The following MDGA2 variants were observed in gnomAD, a reference collection of about 807,000 sequenced individuals.
MDGA2 encodes the protein MAM domain-containing glycosylphosphatidylinositol anchor protein 2.
Under a neutral mutation model 117.8 loss-of-function variants are expected in MDGA2, and 40 were observed. The observed-to-expected ratio is 0.34, with a 90% CI of 0.26 to 0.44. The LOEUF (loss-of-function observed/expected upper bound fraction) is 0.44. MDGA2 is among the 20% of genes least tolerant of loss of function. The probability of loss-of-function intolerance (pLI) is 1.00; values close to 1 mark genes in which losing one functional copy is unlikely to be tolerated. For missense variants in MDGA2, 1,123 were observed against 1,250.6 expected, an observed-to-expected ratio of 0.90 and a Z score of 1.54; for synonymous variants, 452 against 439.0, an observed-to-expected ratio of 1.03 and a Z score of -0.37.
In MDGA2 at chr14:47,074,542, C is replaced by T. The variant is rs146666946; in HGVS notation, c.1196-12964G>A. The stretch of plus-strand genomic sequence containing the variant: ...GTCTCGATCTCCTGACCTCGTGATC[C>T]GCCCGCTTCGCCCTCCCAGAGTGCT... On this transcript the variant is annotated intron_variant, in intron 6 of 16. Coordinates refer to ENST00000399232, the MANE Select transcript of MDGA2 (RefSeq NM_001113498.3). 7.9e-3 allele frequency among the ~76,000 whole-genome samples: 1,205 copies of T among 152,282 alleles called. 4 individuals are homozygous for T. The highest frequency in any genetic ancestry group is 0.031 in the Middle Eastern group (9 of 294).
intron 6 of MDGA2, among the ~76,000 whole-genome samples, chr14:47,086,214 C>T (rs1443182275): frequency 4.7e-5 from 7 of 148,772 alleles, no homozygotes; most frequent in African/African-American, 1.7e-4. Context: ...GATTTCCATT[C>T]TCATACAGTT....
chr14:47,060,319 C>A (rs925040113), intron 7 of MDGA2, among the ~76,000 whole-genome samples: 1 of 152,066 alleles, frequency 6.6e-6, no homozygotes, highest in African/African-American at 2.4e-5. Context: ...GTGTTCACTG[C>A]AATTTGGAAC....
chr14:47,176,051 T>C (rs1441604375), intron 3 of MDGA2, among the ~76,000 whole-genome samples: 1 of 152,156 alleles, frequency 6.6e-6, no homozygotes, highest in Non-Finnish European at 1.5e-5. Flanking sequence ...CCATTCACAA[T>C]TGCTTCAAAG....
At chr14:47,091,943 A>G (rs1197708200) in intron 6 of MDGA2, among the ~76,000 whole-genome samples, 3 of 152,158 alleles carry the variant, frequency 2.0e-5, no homozygotes, top group Non-Finnish European at 4.4e-5. Context: ...ACACACAAGT[A>G]CACTCAGCAG....
intron 1 of MDGA2, among the ~76,000 whole-genome samples, chr14:47,344,850 CAG>C (rs1392999957): frequency 6.6e-4 from 99 of 149,380 alleles, no homozygotes; most frequent in African/African-American, 1.9e-3. Flanking sequence ...TGACTACAGA[CAG>C]GGGTGTCTCT....
chr14:47,071,679 AC>A (rs1890287554), intron 6 of MDGA2, among the ~76,000 whole-genome samples: 1 of 152,014 alleles, frequency 6.6e-6, no homozygotes, highest in African/African-American at 2.4e-5. Flanking sequence ...TTTACTCTTT[AC>A]AGGAAGAAAG....
intron 1 of MDGA2, among the ~76,000 whole-genome samples, chr14:47,372,906 G>C (rs571344276): frequency 1.3e-5 from 2 of 151,878 alleles, no homozygotes; most frequent in East Asian, 1.9e-4. Context: ...GAATGAGTCA[G>C]AGCTATCTCT....
intron 2 of MDGA2, among the ~76,000 whole-genome samples, chr14:47,256,198 G>A (rs1340668536): frequency 2.0e-5 from 3 of 150,072 alleles, no homozygotes; most frequent in African/African-American, 7.4e-5. Flanking sequence ...TAAAACTGAC[G>A]TGGCCAGGGC....
In MDGA2 at chr14:46,850,417, T is replaced by C. The variant is rs557761591; in HGVS notation, c.2884-4546A>G. On this transcript the variant is annotated intron_variant, in intron 15 of 16. Transcript: ENST00000399232. ...TCTGATGATTTGCCTTCATTGTTAA[T>C]GGTGACTTCTGCAAATATTTACAAC... Among the ~76,000 whole-genome samples the C allele has an allele frequency of 2.0e-5, 3 of 151,964 alleles. No homozygotes were observed. The South Asian group carries it at 6.2e-4, about 31-fold the overall frequency.
intron 1 of MDGA2, among the ~76,000 whole-genome samples, chr14:47,537,574 TAAAAAAAAAAAAAAAAAAAA>T (rs58060138): frequency 0.048 from 1,763 of 36,728 alleles, 71 homozygotes; most frequent in African/African-American, 0.13. Flanking sequence ...TTCTCTCTGT[TAAAAAAAAAAAAAAAAAAAA>T]AAAAAAAAAA....
intron 10 of MDGA2, among the ~76,000 whole-genome samples, chr14:46,885,846 A>T (rs1882652366): frequency 6.6e-6 from 1 of 152,132 alleles, no homozygotes; most frequent in African/African-American, 2.4e-5. Flanking sequence ...ACATGCCTTG[A>T]TTGTGCGTCA....
chr14:47,630,498 T>C (rs149081216), intron 1 of MDGA2, among the ~76,000 whole-genome samples: 16 of 152,314 alleles, frequency 1.1e-4, no homozygotes, highest in Non-Finnish European at 1.2e-4. Context: ...TGGTTTCATG[T>C]CTGTTTCTTC....
At chr14:47,451,283 G>A (rs1021582438) in intron 1 of MDGA2, among the ~76,000 whole-genome samples, 3 of 152,102 alleles carry the variant, frequency 2.0e-5, no homozygotes, top group African/African-American at 7.2e-5. Flanking sequence ...AGGAAACTGG[G>A]ATAAGGGAAA....
chr14:47,422,504 T>A (rs1022947359), intron 1 of MDGA2, among the ~76,000 whole-genome samples: 1 of 152,168 alleles, frequency 6.6e-6, no homozygotes, highest in Admixed American at 6.5e-5. Context: ...CTAAGAACCA[T>A]TTAAAAGCAA....
intron 1 of MDGA2, among the ~76,000 whole-genome samples, chr14:47,308,486 C>T: frequency 6.9e-6 from 1 of 144,954 alleles, no homozygotes. Context: ...TTTCTTTTTT[C>T]CCTCTCTTTC....
rs577881559 is a variant in MDGA2, at chr14:47,509,701, T to C, written c.280+164816A>G. Among the ~76,000 whole-genome samples the C allele has an allele frequency of 2.6e-5, 4 of 152,346 alleles. No individual in the cohort carries two copies. In the East Asian group the frequency reaches 7.7e-4, roughly 29 times the overall value. ...CTAAGGATTAAGATCTCATGAAATT[T>C]GTCTTGCAGTTTGGAGTTAGGATCC... On this transcript the variant is annotated intron_variant, in intron 1 of 16. Coordinates refer to ENST00000399232, the MANE Select transcript of MDGA2 (RefSeq NM_001113498.3).
At chr14:47,383,137 A>T (rs1891674248) in intron 1 of MDGA2, among the ~76,000 whole-genome samples, 1 of 152,182 alleles carries the variant, frequency 6.6e-6, no homozygotes, top group Non-Finnish European at 1.5e-5. Flanking sequence ...TCTCACTCAT[A>T]GGTGGGAATT....
intron 8 of MDGA2, among the ~76,000 whole-genome samples, chr14:46,963,629 C>T (rs1429465365): frequency 4.6e-5 from 7 of 152,206 alleles, no homozygotes; most frequent in African/African-American, 1.4e-4. Context: ...CTGGCTCATT[C>T]TCATCATTCA....
intron 1 of MDGA2, among the ~76,000 whole-genome samples, chr14:47,538,421 T>C (rs1895267800): frequency 6.6e-6 from 1 of 152,202 alleles, no homozygotes; most frequent in African/African-American, 2.4e-5. Flanking sequence ...CCCAGTAAAT[T>C]ATAGTTCTGG....
Sources: allele counts gnomAD v4.1 joint callset (sites outside exome capture counted in the v4.1 genomes callset), GRCh38; gene constraint gnomAD v4.1.1; transcripts MANE v1.5; gene names NCBI Gene and HGNC (gene_info 2026-07-23, HGNC 2026-07-21).